The following TRIO variants were observed in gnomAD, a reference collection of about 807,000 sequenced individuals.
TRIO encodes the protein trio Rho guanine nucleotide exchange factor, also known as triple functional domain protein.
TRIO carries 58 observed loss-of-function variants against 351.9 expected under a neutral mutation model. The observed-to-expected ratio is 0.16, with a 90% CI of 0.13 to 0.21. TRIO has a LOEUF of 0.21. TRIO is among the 10% of genes least tolerant of loss of function. The pLI, the probability that TRIO is intolerant of heterozygous loss-of-function variation, is 1.00. For missense variants in TRIO, 3,201 were observed against 4,027.8 expected, an observed-to-expected ratio of 0.79 and a Z score of 5.56; for synonymous variants, 1,758 against 1,595.7, an observed-to-expected ratio of 1.10 and a Z score of -2.42.
At chr5:14,382,052 C>T (rs763022633) in intron 21 of TRIO, among the ~76,000 whole-genome samples, 12 of 152,068 alleles carry the variant, frequency 7.9e-5, no homozygotes, top group Non-Finnish European at 1.3e-4. Flanking sequence ...GAGTATACGT[C>T]CTTTGTAGTA....
intron 9 of TRIO, among the ~76,000 whole-genome samples, chr5:14,321,858 A>G (rs561243123): frequency 5.0e-4 from 76 of 152,124 alleles, no homozygotes; most frequent in African/African-American, 1.8e-3. Context: ...TGGTTTTATA[A>G]ATGGGAGTTC....
Position 14,487,608 on chromosome 5 carries a change from G to A in TRIO, c.6980G>A (p.Cys2327Tyr). 1 of 1,175,384 alleles carries A rather than the reference G, an allele frequency of 8.5e-7. No homozygotes were observed. The highest frequency in any genetic ancestry group is 1.1e-6 in the Non-Finnish European group (1 of 943,092). 72.8% of individuals were successfully genotyped at this position (1,175,384 alleles called of 1,614,324 possible). A position where few individuals can be genotyped will look rare whatever the true frequency, so the allele number is the denominator to read the frequency against. The change falls in exon 48 of 57, where the codon TGC becomes TAC. Residue 2327 changes from cysteine to tyrosine, a missense_variant. Around this residue, in one of 19 missense-constraint regions of TRIO, gnomAD observed 1,089 missense variants for 954.9 expected, o/e 1.14. Transcript: ENST00000344204. ...GSGHSGGPSS[C>Y]GGAPSTSRSR... is the part of the protein sequence containing the mutation. ...GGCCACAGTGGCGGCCCCAGCAGCT[G>A]CGGCGGCGCCCCCAGCACGAGCAGG...
chr5:14,437,417 A>T (rs756164985), intron 34 of TRIO, among the ~76,000 whole-genome samples: 6 of 152,148 alleles, frequency 3.9e-5, no homozygotes, highest in Non-Finnish European at 8.8e-5. Flanking sequence ...CTGCGTATTT[A>T]TATTCCATTT....
chr5:14,381,945 A>C (rs1415892128), intron 21 of TRIO, among the ~76,000 whole-genome samples: 1 of 152,248 alleles, frequency 6.6e-6, no homozygotes, highest in Non-Finnish European at 1.5e-5. Flanking sequence ...TAAGGCTTAT[A>C]CCTGCAGAGG....
intron 3 of TRIO, among the ~76,000 whole-genome samples, chr5:14,283,175 G>GT (rs1490605325): frequency 6.6e-6 from 1 of 152,192 alleles, no homozygotes; most frequent in Non-Finnish European, 1.5e-5. Context: ...TGTGTAGTTT[G>GT]TAAGTCTGAT....
intron 6 of TRIO, 28 bp from the exon 7 acceptor site, chr5:14,297,044 G>T (rs1737421473): frequency 1.3e-6 from 2 of 1,595,248 alleles, no homozygotes; most frequent in Non-Finnish European, 1.7e-6. Context: ...CTCCCCTAAG[G>T]AGCCCTCTTT....
At chr5:14,183,991 A>T (rs931016493) in intron 1 of TRIO, 1 of 697,760 alleles carries the variant, frequency 1.4e-6, no homozygotes, top group African/African-American at 1.7e-5. Context: ...TAAAAAATAC[A>T]GTTCTTATTT....
chr5:14,233,591 C>A (rs1306602558), intron 1 of TRIO, among the ~76,000 whole-genome samples: 1 of 152,008 alleles, frequency 6.6e-6, no homozygotes, highest in Admixed American at 6.6e-5. Context: ...TTAATACATA[C>A]CAAAACATGT....
In TRIO at chr5:14,304,598, T is replaced by TG. The variant is rs745897325; in HGVS notation, c.1500+8dup. Reference sequence around the variant, plus strand: ...TCACTCTTGCTTATTCTGAGGTAAGTGGCCAGTTTTACTTACATTGCAAAG... The same window carrying TG: ...TCACTCTTGCTTATTCTGAGGTAAGTGGGCCAGTTTTACTTACATTGCAAAG... On this transcript the variant is annotated splice_region_variant and intron_variant, in intron 8 of 56. Coordinates refer to ENST00000344204, the MANE Select transcript of TRIO (RefSeq NM_007118.4). The TG allele has an allele frequency of 6.2e-7, 1 of 1,609,520 alleles. No homozygotes were observed. The highest frequency in any genetic ancestry group is 8.5e-7 in the Non-Finnish European group (1 of 1,178,832).
chr5:14,464,345 A>G (rs1049233731), intron 36 of TRIO, among the ~76,000 whole-genome samples: 2 of 152,200 alleles, frequency 1.3e-5, no homozygotes, highest in Non-Finnish European at 2.9e-5. Context: ...AGTGACCTGC[A>G]CTGTATCCTT....
chr5:14,501,904 C>T (rs763873078), intron 53 of TRIO, among the ~76,000 whole-genome samples: 3 of 152,312 alleles, frequency 2.0e-5, no homozygotes, highest in African/African-American at 7.2e-5. Context: ...AGCAGGACCA[C>T]GTGGGGCTCC....
intron 1 of TRIO, among the ~76,000 whole-genome samples, chr5:14,190,993 A>G (rs1452268633): frequency 6.6e-6 from 1 of 152,188 alleles, no homozygotes; most frequent in Non-Finnish European, 1.5e-5. Flanking sequence ...ATTATAATTA[A>G]TAACTAGCGC....
intron 49 of TRIO, among the ~76,000 whole-genome samples, chr5:14,493,240 T>C (rs1335367204): frequency 6.6e-6 from 1 of 152,150 alleles, no homozygotes; most frequent in Non-Finnish European, 1.5e-5. Flanking sequence ...TGCGGAGATG[T>C]TGGCATAGAC....
At chr5:14,502,905 T>C (rs1015907837) in intron 54 of TRIO, among the ~76,000 whole-genome samples, 1 of 152,240 alleles carries the variant, frequency 6.6e-6, no homozygotes, top group Non-Finnish European at 1.5e-5. Context: ...GAGAAATTGC[T>C]TCCCTCTGTG....
intron 3 of TRIO, 34 bp downstream of exon 3, chr5:14,280,470 G>A (rs1735899938): frequency 1.3e-6 from 2 of 1,572,990 alleles, no homozygotes; most frequent in African/African-American, 1.3e-5. Context: ...TGTCACTGAT[G>A]TCACATTTAC....
intron 7 of TRIO, 44 bp from the exon 8 acceptor site, chr5:14,304,417 A>G: frequency 3.8e-6 from 6 of 1,578,218 alleles, no homozygotes; most frequent in Non-Finnish European, 4.3e-6. Context: ...ACTTCTCAAT[A>G]TAAATTGTCA....
intron 18 of TRIO, among the ~76,000 whole-genome samples, chr5:14,370,883 C>A (rs1412906279): frequency 6.6e-6 from 1 of 152,172 alleles, no homozygotes; most frequent in East Asian, 1.9e-4. Context: ...ATGAATGCCA[C>A]TTAGTTCATA....
intron 19 of TRIO, among the ~76,000 whole-genome samples, chr5:14,375,685 G>C (rs1438123842): frequency 6.6e-6 from 1 of 152,144 alleles, no homozygotes; most frequent in African/African-American, 2.4e-5. Context: ...AGGACCCCCA[G>C]GAGCTTGAGG....
At chr5:14,336,864 G>A (rs1268428545) in intron 11 of TRIO, 137 bp downstream of exon 11, 9 of 878,668 alleles carry the variant, frequency 1.0e-5, no homozygotes, top group Admixed American at 2.6e-5. Context: ...TTAGTGCTGA[G>A]TGTGTCTGCG....
Sources: gnomAD v4.1 joint callset for allele counts (sites outside exome capture counted in the v4.1 genomes callset) on GRCh38, gnomAD v4.1.1 for gene constraint, gnomAD v4.1.1 regional missense constraint, MANE v1.5 for transcripts, NCBI Gene and HGNC (gene_info 2026-07-23, HGNC 2026-07-21) for gene names.